The following CORO2A variants were observed in gnomAD, a reference collection of about 807,000 sequenced individuals.
CORO2A encodes coronin-2A.
In CORO2A, 47 loss-of-function variants were observed where a neutral mutation model predicts 62.4. That is an observed-to-expected ratio of 0.75 (90% confidence interval 0.60 to 0.96). The LOEUF (loss-of-function observed/expected upper bound fraction) is 0.96, where lower values mean the gene tolerates loss of function less well. Among genes scored for constraint, CORO2A ranks in the 40% least tolerant of loss-of-function variants. CORO2A has a pLI of 0.00. For missense variants in CORO2A, 610 were observed against 684.1 expected, an observed-to-expected ratio of 0.89 and a Z score of 1.21; for synonymous variants, 273 against 268.9, an observed-to-expected ratio of 1.02 and a Z score of -0.15.
intron 1 of CORO2A, among the ~76,000 whole-genome samples, chr9:98,160,712 C>A (rs530916578): frequency 4.0e-4 from 61 of 152,264 alleles, no homozygotes; most frequent in African/African-American, 1.4e-3. Flanking sequence ...CCTTGAGCAA[C>A]TGCTGGGGGT....
Position 98,137,664 on chromosome 9 carries a change from G to A in CORO2A, c.226C>T (p.Pro76Ser). Residue 76 changes from proline (P) to serine (S), a missense_variant, in exon 3 of 12, where the codon CCA becomes TCA. Coordinates refer to ENST00000375077, the MANE Select transcript of CORO2A (RefSeq NM_052820.4). Reference protein sequence around the residue: ...HQTGKLDPHYPKVCGHRGNVL... With the variant: ...HQTGKLDPHYSKVCGHRGNVL... ...TTGCCTCTGTGCCCGCAGACTTTTG[G>A]GTAGTGGGGGTCCAACTTCCCTGTC... The A allele has an allele frequency of 6.2e-7, 1 of 1,614,188 alleles. No individual in the cohort carries two copies. The highest frequency in any genetic ancestry group is 8.5e-7 in the Non-Finnish European group (1 of 1,180,018).
rs1261485731 is a variant in CORO2A at position 98,126,420 on chromosome 9, G to A, written c.1446+129C>T. On this transcript the variant is annotated intron_variant, in intron 11 of 11. Transcript: ENST00000375077. ...TGAATGAATTAACAAAATGAGTCAAGTGACTAGGCCAGGCCACACAGCTGG... is the reference window on the plus strand; with the variant it reads ...TGAATGAATTAACAAAATGAGTCAAATGACTAGGCCAGGCCACACAGCTGG... 1.0e-5 allele frequency: 13 copies of A among 1,258,928 alleles called. No homozygotes were observed. The East Asian group carries it at 1.2e-4, about 11-fold the overall frequency. The allele number at this position is 1,258,928 out of a possible 1,614,324, so 78.0% of individuals were successfully genotyped here.
chr9:98,177,827 C>T (rs901156071), intron 1 of CORO2A, among the ~76,000 whole-genome samples: 4 of 151,652 alleles, frequency 2.6e-5, no homozygotes, highest in Non-Finnish European at 4.4e-5. Context: ...CAAGACAAAA[C>T]GTATACACAG....
intron 1 of CORO2A, among the ~76,000 whole-genome samples, chr9:98,184,403 T>C (rs191383271): frequency 6.6e-6 from 1 of 152,302 alleles, no homozygotes; most frequent in Admixed American, 6.5e-5. Context: ...GATAATTAGC[T>C]TGATGTCTGT....
rs1827325196 is a variant in CORO2A, at chr9:98,126,686, C to G, written c.1309G>C (p.Asp437His). 2 of 1,614,092 alleles carry G rather than the reference C, an allele frequency of 1.2e-6. No homozygotes were observed. Among genetic ancestry groups the G allele is most frequent in the Non-Finnish European group, 1.7e-6 (2 of 1,180,034 alleles). ...LNQTEKLAAEDGWRSSSLLEE... is the reference protein window; with the variant it reads ...LNQTEKLAAEHGWRSSSLLEE... ...AACAGGGAGGAAGACCTCCAGCCAT[C>G]TTCTGCAGCCAGCTTTTCTGTCTGA... The change falls in exon 11 of 12, where the codon GAT becomes CAT. Residue 437 changes from aspartate to histidine, a missense_variant. By Grantham distance (81) the Asp-to-His change is moderately conservative. Coordinates refer to ENST00000375077, the MANE Select transcript of CORO2A (RefSeq NM_052820.4).
intron 11 of CORO2A, among the ~76,000 whole-genome samples, chr9:98,125,710 T>C (rs952425610): frequency 1.3e-5 from 1 of 76,018 alleles, no homozygotes; most frequent in Non-Finnish European, 2.6e-5. Flanking sequence ...TTTCCCACCA[T>C]TTTTTTTTTT....
Position 98,161,210 on chromosome 9 carries a change from A to G in CORO2A, c.1-3550T>C, listed in dbSNP as rs547756599. On this transcript the variant is annotated intron_variant, in intron 1 of 11. Coordinates refer to ENST00000375077, the MANE Select transcript of CORO2A (RefSeq NM_052820.4). ...CAGAGGAGGAGGCAGGACCCAGATC[A>G]TCTCAGATACCCGGACTCTGAGGGC... Among the ~76,000 whole-genome samples, 3 of 152,246 alleles carry G rather than the reference A, an allele frequency of 2.0e-5. No individual in the cohort carries two copies. In the East Asian group the frequency reaches 5.8e-4, roughly 29 times the overall value.
At chr9:98,177,453 C>CTTTTT (rs944344622) in intron 1 of CORO2A, among the ~76,000 whole-genome samples, 1 of 121,790 alleles carries the variant, frequency 8.2e-6, no homozygotes, top group African/African-American at 3.7e-5. Context: ...GGGCTCCAAA[C>CTTTTT]TTTGTTTTTT....
intron 1 of CORO2A, among the ~76,000 whole-genome samples, chr9:98,188,877 T>G (rs546127338): frequency 6.6e-6 from 1 of 152,220 alleles, no homozygotes; most frequent in South Asian, 2.1e-4. Flanking sequence ...GAATGACTAA[T>G]GGAATGAATG....
intron 11 of CORO2A, among the ~76,000 whole-genome samples, chr9:98,125,617 T>C (rs1014484371): frequency 1.3e-5 from 2 of 151,920 alleles, no homozygotes; most frequent in African/African-American, 4.8e-5. Flanking sequence ...ATGTGGACTT[T>C]GAAAGCACAG....
intron 2 of CORO2A, among the ~76,000 whole-genome samples, chr9:98,146,565 C>T (rs939814091): frequency 6.6e-6 from 1 of 152,248 alleles, no homozygotes; most frequent in African/African-American, 2.4e-5. Flanking sequence ...CATTAGCTAG[C>T]TTGTCCCTTC....
chr9:98,129,518 G>C (rs1827374054), intron 8 of CORO2A, among the ~76,000 whole-genome samples: 2 of 152,270 alleles, frequency 1.3e-5, no homozygotes, highest in Non-Finnish European at 1.5e-5. Context: ...CCTTGACCTA[G>C]AACACATCCC....
intron 1 of CORO2A, among the ~76,000 whole-genome samples, chr9:98,182,197 A>G (rs1014737880): frequency 1.3e-5 from 2 of 152,210 alleles, no homozygotes; most frequent in African/African-American, 2.4e-5. Context: ...AATGCTTTAC[A>G]TACAGAAAGT....
chr9:98,175,337 G>A (rs1461237840), intron 1 of CORO2A, among the ~76,000 whole-genome samples: 2 of 152,166 alleles, frequency 1.3e-5, no homozygotes, highest in African/African-American at 4.8e-5. Flanking sequence ...GCAGAGTCGT[G>A]GCTCTTCCCA....
chr9:98,177,150 G>A (rs1043062835), intron 1 of CORO2A, among the ~76,000 whole-genome samples: 2 of 152,138 alleles, frequency 1.3e-5, no homozygotes, highest in African/African-American at 4.8e-5. Flanking sequence ...CTTTAGGCTG[G>A]GAATGATGGC....
At chr9:98,188,756 C>A (rs148548200) in intron 1 of CORO2A, among the ~76,000 whole-genome samples, 1 of 151,882 alleles carries the variant, frequency 6.6e-6, no homozygotes, top group African/African-American at 2.4e-5. Flanking sequence ...GGAGACAGAG[C>A]GAGACTCTGT....
rs758934534 is a variant in CORO2A, at chr9:98,157,387, C to T, written c.201+73G>A. The T allele has an allele frequency of 2.1e-6, 3 of 1,444,864 alleles. No individual in the cohort carries two copies. The African/African-American group carries it at 4.2e-5, about 20-fold the overall frequency. The allele number at this position is 1,444,864 out of a possible 1,614,324, so 89.5% of individuals were successfully genotyped here. A position where few individuals can be genotyped will look rare whatever the true frequency, so the allele number is the denominator to read the frequency against. The stretch of plus-strand genomic sequence containing the variant: ...GGGCAGGGCTAGGACTTTCTAGAAA[C>T]CCAGGCTCTTTCCACTTTCCCTCTG... On this transcript the variant is annotated intron_variant, in intron 2 of 11. Coordinates refer to ENST00000375077, the MANE Select transcript of CORO2A (RefSeq NM_052820.4).
intron 2 of CORO2A, 22 bp from the exon 3 acceptor site, chr9:98,137,710 G>A (rs1827506908): frequency 1.9e-6 from 3 of 1,577,690 alleles, no homozygotes; most frequent in East Asian, 2.2e-5. Flanking sequence ...TGCCCAGGAG[G>A]GTTGGGGAGG....
intron 1 of CORO2A, among the ~76,000 whole-genome samples, chr9:98,177,744 A>T (rs1220587417): frequency 6.8e-6 from 1 of 147,066 alleles, no homozygotes; most frequent in African/African-American, 2.7e-5. Flanking sequence ...TCCTTCCACA[A>T]GAAAAAAAAA....
Sources: allele counts gnomAD v4.1 joint callset (sites outside exome capture counted in the v4.1 genomes callset), GRCh38; gene constraint gnomAD v4.1.1; transcripts MANE v1.5; gene names NCBI Gene and HGNC (gene_info 2026-07-23, HGNC 2026-07-21).